The following RGL1 variants were observed in gnomAD, a reference collection of about 807,000 sequenced individuals.
RGL1 encodes ral guanine nucleotide dissociation stimulator like 1.
RGL1 carries 24 observed loss-of-function variants against 95.2 expected under a neutral mutation model. The ratio of observed to expected loss-of-function variants is 0.25; its 90% CI spans 0.18 to 0.35. RGL1 has a LOEUF of 0.35. Among genes scored for constraint, RGL1 ranks in the 10% least tolerant of loss-of-function variants. The pLI is 1.00. For missense variants in RGL1, 715 were observed against 936.3 expected (o/e 0.76, Z 3.08); for synonymous variants, 329 against 344.9 (o/e 0.95, Z 0.51).
chr1:183,731,003 C>T (rs1656599160), intron 1 of RGL1, among the ~76,000 whole-genome samples: 1 of 152,074 alleles, frequency 6.6e-6, no homozygotes. Flanking sequence ...ACTCTGAGTC[C>T]ACTTAAGTTT....
At chr1:183,735,708 G>A (rs763144334) in intron 1 of RGL1, among the ~76,000 whole-genome samples, 2 of 152,200 alleles carry the variant, frequency 1.3e-5, no homozygotes, top group African/African-American at 2.4e-5. Flanking sequence ...GTATTACTAC[G>A]AAATTATCTA....
At chr1:183,685,617 C>T (rs1225545871) in intron 1 of RGL1, among the ~76,000 whole-genome samples, 1 of 152,130 alleles carries the variant, frequency 6.6e-6, no homozygotes, top group East Asian at 1.9e-4. Context: ...CTAGCAGCAG[C>T]TCTAATGTGT....
In RGL1 at chr1:183,927,642, A is replaced by C. The variant is rs1029776447; in HGVS notation, c.*1350A>C. 1.3e-5 allele frequency: 2 copies of C among 152,556 alleles called. No individual in the cohort carries two copies. Among genetic ancestry groups the C allele is most frequent in the East Asian group, 1.9e-4 (1 of 5,200 alleles). The allele number at this position is 152,556 out of a possible 1,614,324, so 9.5% of individuals were successfully genotyped here. ...TAACACCATCACACTCTTCCTTCCA[A>C]GTCTGAGCTGTGCTGGGGTTTGAAC... On this transcript the variant is annotated 3_prime_UTR_variant, in exon 18 of 18. Transcript: ENST00000360851.
intron 1 of RGL1, among the ~76,000 whole-genome samples, chr1:183,663,389 A>G (rs921726602): frequency 5.4e-5 from 8 of 147,816 alleles, no homozygotes; most frequent in Non-Finnish European, 1.2e-4. Context: ...AACCCCATCA[A>G]AAAGTGGACG....
rs200332786 is a variant in RGL1, at chr1:183,742,130, G to A, written c.-28G>A. ...ACACTTTATTCTTCCACACAGATCC[G>A]TAATGCCTCCTGCCTGCCTCTTTCA... On this transcript the variant is annotated 5_prime_UTR_variant, in exon 2 of 19. Transcript: ENST00000304685. 2.1e-3 allele frequency: 3,313 copies of A among 1,613,150 alleles called. 3 individuals carry two copies. The highest frequency in any genetic ancestry group is 2.1e-3 in the Non-Finnish European group (2,512 of 1,179,438).
intron 1 of RGL1, among the ~76,000 whole-genome samples, chr1:183,639,239 C>T (rs2101969630): frequency 6.6e-6 from 1 of 150,754 alleles, no homozygotes; most frequent in Middle Eastern, 3.4e-3. Context: ...TGAGATCGTG[C>T]CATTGCACTC....
intron 1 of RGL1, among the ~76,000 whole-genome samples, chr1:183,711,792 T>C (rs1655288785): frequency 6.7e-6 from 1 of 148,826 alleles, no homozygotes. Flanking sequence ...GGGAATGGGG[T>C]GTGGGGGCGG....
At chr1:183,784,686 G>T (rs1441137789) in intron 2 of RGL1, among the ~76,000 whole-genome samples, 3 of 152,170 alleles carry the variant, frequency 2.0e-5, no homozygotes, top group African/African-American at 7.2e-5. Context: ...AAACAGTCAG[G>T]GTTCACTGCT....
intron 1 of RGL1, among the ~76,000 whole-genome samples, chr1:183,704,570 CT>C (rs899169134): frequency 1.3e-5 from 2 of 152,048 alleles, no homozygotes. Context: ...AGGTGTTGGT[CT>C]GTTAGGTTTG....
At chr1:183,847,919 TGAAAA>T in intron 3 of RGL1, 145 bp downstream of exon 3, 1 of 635,982 alleles carries the variant, frequency 1.6e-6, no homozygotes, top group Non-Finnish European at 2.7e-6. Context: ...TTGGCACAAA[TGAAAA>T]GAAGATCATT....
At chr1:183,670,601 C>G (rs1652373854) in intron 1 of RGL1, among the ~76,000 whole-genome samples, 1 of 152,092 alleles carries the variant, frequency 6.6e-6, no homozygotes, top group Non-Finnish European at 1.5e-5. Context: ...AGGTTTTTGC[C>G]TGGGAGTTTA....
chr1:183,878,446 T>C (rs989590577), intron 4 of RGL1, among the ~76,000 whole-genome samples: 1 of 151,596 alleles, frequency 6.6e-6, no homozygotes, highest in African/African-American at 2.4e-5. Flanking sequence ...AATAATCCTG[T>C]CTCAGCCTCC....
chr1:183,761,844 C>T (rs538067333), intron 2 of RGL1, among the ~76,000 whole-genome samples: 1 of 152,334 alleles, frequency 6.6e-6, no homozygotes, highest in East Asian at 1.9e-4. Flanking sequence ...CTTGCTGTAG[C>T]TTCTGTATCA....
chr1:183,854,591 G>C (rs1665023065), intron 3 of RGL1, among the ~76,000 whole-genome samples: 1 of 152,108 alleles, frequency 6.6e-6, no homozygotes, highest in South Asian at 2.1e-4. Flanking sequence ...CAAGGATTTT[G>C]TCATAGATGT....
In RGL1 at chr1:183,888,506, G is replaced by A. The variant is rs1055892461; in HGVS notation, c.984G>A (p.Leu328=). The change falls in exon 8 of 18, where the codon TTG becomes TTA. Residue 328 remains leucine (L), a synonymous_variant. Coordinates refer to ENST00000360851, the MANE Select transcript of RGL1 (RefSeq NM_001297671.3). ...ECRLLKNFSS[L]RAIVSALQSN... ...GACTCCTGAAGAATTTTTCCTCCTT[G>A]AGGGCCATCGTTTCGGCACTGCAGT... 6 of 1,612,984 alleles carry A rather than the reference G, an allele frequency of 3.7e-6. No homozygotes were observed. In the African/African-American group the frequency reaches 8.0e-5, roughly 22 times the overall value.
intron 14 of RGL1, 66 bp from the exon 15 acceptor site, chr1:183,912,016 T>C: frequency 1.4e-6 from 2 of 1,424,392 alleles, no homozygotes; most frequent in South Asian, 2.5e-5. Flanking sequence ...CAACACAAAA[T>C]ATTTGCCTAA....
chr1:183,701,327 G>C (rs1425517726), intron 1 of RGL1, among the ~76,000 whole-genome samples: 1 of 152,194 alleles, frequency 6.6e-6, no homozygotes, highest in Non-Finnish European at 1.5e-5. Flanking sequence ...GTCTGGAACT[G>C]ACCTTGGAGA....
At chr1:183,812,948 A>G (rs554948672) in intron 2 of RGL1, among the ~76,000 whole-genome samples, 5 of 152,348 alleles carry the variant, frequency 3.3e-5, no homozygotes, top group East Asian at 1.9e-4. Flanking sequence ...ATGCTAAGCT[A>G]TGGAATCTGC....
At chr1:183,735,217 A>G (rs747730453) in intron 1 of RGL1, among the ~76,000 whole-genome samples, 1 of 152,148 alleles carries the variant, frequency 6.6e-6, no homozygotes, top group Non-Finnish European at 1.5e-5. Flanking sequence ...TCTACATTTA[A>G]CAGGAGACAG....
Sources: gnomAD v4.1 joint callset for allele counts (sites outside exome capture counted in the v4.1 genomes callset) on GRCh38, gnomAD v4.1.1 for gene constraint, MANE v1.5 for transcripts, NCBI Gene and HGNC (gene_info 2026-07-23, HGNC 2026-07-21) for gene names.